The following ENPP4 variants were observed in gnomAD, a reference collection of about 807,000 sequenced individuals.
The protein encoded by ENPP4 is bis(5'-adenosyl)-triphosphatase ENPP4.
A neutral mutation model predicts 33.4 loss-of-function variants in ENPP4; 18 were observed. The ratio of observed to expected loss-of-function variants is 0.54; its 90% CI spans 0.37 to 0.80. ENPP4 has a LOEUF of 0.80. Ranked by LOEUF, ENPP4 falls within the 30% of genes least tolerant of loss-of-function variation. The pLI, the probability that ENPP4 is intolerant of heterozygous loss-of-function variation, is 0.00. For synonymous variants in ENPP4, 172 were observed against 189.9 expected (o/e 0.91, Z 0.78); for missense variants, 480 against 541.7 (o/e 0.89, Z 1.13).
intron 1 of ENPP4, among the ~76,000 whole-genome samples, chr6:46,131,975 C>T (rs2127491561): frequency 6.6e-6 from 1 of 152,030 alleles, no homozygotes; most frequent in South Asian, 2.1e-4. Flanking sequence ...AGTGTCTGTT[C>T]ATGTCCTTCG....
At chr6:46,131,236 G>C (rs1033198572) in intron 1 of ENPP4, among the ~76,000 whole-genome samples, 11 of 152,042 alleles carry the variant, frequency 7.2e-5, no homozygotes, top group Non-Finnish European at 1.6e-4. Context: ...GTATATATGT[G>C]CCATGCTGGT....
intron 1 of ENPP4, among the ~76,000 whole-genome samples, chr6:46,132,366 T>C (rs1427987947): frequency 6.6e-6 from 1 of 152,242 alleles, no homozygotes; most frequent in Non-Finnish European, 1.5e-5. Context: ...TTCAGCTTTC[T>C]ACATATGGCT....
In ENPP4 at chr6:46,146,280, T is replaced by C. The variant is rs1051626332; in HGVS notation, c.*2640T>C. On this transcript the variant is annotated 3_prime_UTR_variant, in exon 4 of 4. Transcript: ENST00000321037. ...TATAGGTTTTATATTATTATTCCAC[T>C]AGGAATGGCATAAGAATTTATAGAT... 6.6e-6 allele frequency: 1 copy of C among 152,312 alleles called. No individual in the cohort carries two copies. Among genetic ancestry groups the C allele is most frequent in the Non-Finnish European group, 1.5e-5 (1 of 67,830 alleles). The allele number at this position is 152,312 out of a possible 1,614,324, so 9.4% of individuals were successfully genotyped here.
intron 1 of ENPP4, among the ~76,000 whole-genome samples, chr6:46,138,026 C>T (rs1376706776): frequency 1.3e-5 from 2 of 151,808 alleles, no homozygotes; most frequent in African/African-American, 2.4e-5. Context: ...ACTTGCTGCT[C>T]TTCATACCTG....
At position 46,141,673 on chromosome 6, in the gene ENPP4, C is replaced by G. The variant is rs1483018384; in HGVS notation, c.997+451C>G. Among the ~76,000 whole-genome samples the G allele has an allele frequency of 4.6e-5, 7 of 151,518 alleles. No individual in the cohort carries two copies. In the Admixed American group the frequency reaches 4.6e-4, roughly 10 times the overall value. ...ACACTGGGCAAGAACCAGAAAGTAA[C>G]CAAACAAATCCACCAAGTGAACAAA... On this transcript the variant is annotated intron_variant, in intron 3 of 3. Coordinates refer to ENST00000321037, the MANE Select transcript of ENPP4 (RefSeq NM_014936.5).
rs148474871 is a variant in ENPP4 at position 46,143,544 on chromosome 6, A to G, written c.1266A>G (p.Thr422=). The G allele has an allele frequency of 5.6e-5, 91 of 1,612,624 alleles. No homozygotes were observed. The highest frequency in any genetic ancestry group is 7.3e-5 in the Non-Finnish European group (86 of 1,179,012). Residue 422 remains threonine (T), a synonymous_variant, in exon 4 of 4, where the codon ACA becomes ACG. Transcript: ENST00000321037. ...IGSLLVLTML[T]CLIIIMQNRL... Reference sequence around the variant, plus strand: ...CACTCTTGGTGTTAACCATGCTAACATGCCTCATAATAATCATGCAGAATA... The same window carrying G: ...CACTCTTGGTGTTAACCATGCTAACGTGCCTCATAATAATCATGCAGAATA...
intron 1 of ENPP4, among the ~76,000 whole-genome samples, chr6:46,134,267 A>C (rs1164141326): frequency 2.0e-5 from 3 of 152,098 alleles, no homozygotes; most frequent in African/African-American, 7.2e-5. Flanking sequence ...AGTTGGATCT[A>C]CCCAAGATCA....
At position 46,146,381 on chromosome 6, in the gene ENPP4, T is replaced by C. The variant is rs534183827; in HGVS notation, c.*2741T>C. 3 of 152,502 alleles carry C rather than the reference T, an allele frequency of 2.0e-5. No homozygotes were observed. The highest frequency in any genetic ancestry group is 4.1e-4 in the South Asian group (2 of 4,832). The allele number at this position is 152,502 out of a possible 1,614,324, so 9.4% of individuals were successfully genotyped here. ...GTCTCCTTCTTGTGCCCATATCTGA[T>C]AAGCTTTATGGATTATTGCATTTAA... is the stretch of plus-strand genomic sequence containing the variant. On this transcript the variant is annotated 3_prime_UTR_variant, in exon 4 of 4. Transcript: ENST00000321037.
intron 1 of ENPP4, among the ~76,000 whole-genome samples, chr6:46,136,801 A>G (rs572839518): frequency 1.3e-5 from 2 of 151,936 alleles, no homozygotes; most frequent in Non-Finnish European, 2.9e-5. Context: ...TGCTCTGGAC[A>G]AGAGGTATTG....
Position 46,138,037 on chromosome 6 carries a change from G to A in ENPP4, c.-33-1514G>A, listed in dbSNP as rs146839869. 1.8e-3 allele frequency among the ~76,000 whole-genome samples: 267 copies of A among 151,734 alleles called. 1 individual carries two copies. The highest frequency in any genetic ancestry group is 2.9e-3 in the Non-Finnish European group (196 of 67,776). On this transcript the variant is annotated intron_variant, in intron 1 of 3. Coordinates refer to ENST00000321037, the MANE Select transcript of ENPP4 (RefSeq NM_014936.5). ...GTTAACTTGCTGCTCTTCATACCTG[G>A]GACCTCAACATGCATACCCGTTACC...
chr6:46,140,994 A>T, intron 2 of ENPP4, 58 bp from the exon 3 acceptor site: 1 of 1,084,182 alleles, frequency 9.2e-7, no homozygotes, highest in Non-Finnish European at 1.3e-6. Context: ...CTAGTTAGAC[A>T]TATTTTTTCC....
chr6:46,141,760 A>G (rs1764064496), intron 3 of ENPP4, among the ~76,000 whole-genome samples: 1 of 151,760 alleles, frequency 6.6e-6, no homozygotes, highest in South Asian at 2.1e-4. Context: ...GGGGTGAGTT[A>G]CAGGCTTGCC....
intron 3 of ENPP4, among the ~76,000 whole-genome samples, chr6:46,142,372 GTATATTA>G (rs1562061039): frequency 3.5e-5 from 5 of 142,692 alleles, no homozygotes; most frequent in African/African-American, 1.0e-4. Flanking sequence ...TATATATAAT[GTATATTA>G]TATATTATAT....
Position 46,141,187 on chromosome 6 carries a change from G to A in ENPP4, c.962G>A (p.Gly321Asp), listed in dbSNP as rs1484545377. The change falls in exon 3 of 4, where the codon GGC becomes GAC. Residue 321 changes from glycine to aspartate, a missense_variant. Gly to Asp is a moderately conservative substitution (Grantham distance 94). Coordinates refer to ENST00000321037, the MANE Select transcript of ENPP4 (RefSeq NM_014936.5). ...IQPIILVADE[G>D]WTIVLNESSQ... ...CCCATTATTTTGGTTGCCGATGAAG[G>A]CTGGACAATTGTGCTAAATGAATCA... 6.2e-7 allele frequency: 1 copy of A among 1,609,150 alleles called. No individual in the cohort carries two copies. Among genetic ancestry groups the A allele is most frequent in the Non-Finnish European group, 8.5e-7 (1 of 1,176,902 alleles).
rs1181266795 is a variant in ENPP4, at chr6:46,143,956, G to A, written c.*316G>A. On this transcript the variant is annotated 3_prime_UTR_variant, in exon 4 of 4. Coordinates refer to ENST00000321037, the MANE Select transcript of ENPP4 (RefSeq NM_014936.5). ...AATACTTCCTCTGCTTGTATTTTGC[G>A]ATGAAGATGTGATACATCTTTAAAT... 2.6e-5 allele frequency: 5 copies of A among 192,756 alleles called. No homozygotes were observed. The highest frequency in any genetic ancestry group is 1.6e-4 in the South Asian group (1 of 6,412). 11.9% of individuals were successfully genotyped at this position (192,756 alleles called of 1,614,324 possible). A position where few individuals can be genotyped will look rare whatever the true frequency, so the allele number is the denominator to read the frequency against.
chr6:46,139,873 T>A lies in ENPP4; in HGVS notation c.290T>A (p.Val97Asp). ...GTGGCTAATTCCATGTATGATGCAGTCACAAAGAAACACTTTTCTGACTCT... is the reference window on the plus strand; with the variant it reads ...GTGGCTAATTCCATGTATGATGCAGACACAAAGAAACACTTTTCTGACTCT... ...GIVANSMYDAVTKKHFSDSND... is the reference protein window; with the variant it reads ...GIVANSMYDADTKKHFSDSND... Residue 97 changes from valine to aspartate, a missense_variant, in exon 2 of 4, where the codon GTC becomes GAC. This residue lies in a region of ENPP4 where 227 missense variants were observed against 273.7 expected (regional missense o/e 0.83). Coordinates refer to ENST00000321037, the MANE Select transcript of ENPP4 (RefSeq NM_014936.5). The A allele has an allele frequency of 6.2e-7, 1 of 1,612,808 alleles. No individual in the cohort carries two copies.
At chr6:46,137,249 A>C (rs1323562203) in intron 1 of ENPP4, among the ~76,000 whole-genome samples, 1 of 151,722 alleles carries the variant, frequency 6.6e-6, no homozygotes, top group Admixed American at 6.6e-5. Flanking sequence ...CAGAGCAGTA[A>C]ATAGTGTTTT....
chr6:46,141,583 G>A (rs986532407), intron 3 of ENPP4, among the ~76,000 whole-genome samples: 1 of 151,576 alleles, frequency 6.6e-6, no homozygotes, highest in East Asian at 1.9e-4. Context: ...AAAAAAATTT[G>A]TCTGAGTAAC....
chr6:46,139,589 G>T lies in ENPP4; in HGVS notation c.6G>T (p.Lys2Asn), dbSNP rs773374298. ...TGTCCTTCAACGTGTTCATTATGAA[G>T]TTATTAGTAATACTTTTGTTTTCTG... M[K>N]LLVILLFSGL... The change falls in exon 2 of 4, where the codon AAG (lysine) becomes AAT (asparagine). Residue 2 changes from lysine (K) to asparagine (N), a missense_variant. Coordinates refer to ENST00000321037, the MANE Select transcript of ENPP4 (RefSeq NM_014936.5). 2.7e-5 allele frequency: 41 copies of T among 1,525,602 alleles called. No homozygotes were observed. Among genetic ancestry groups the T allele is most frequent in the Non-Finnish European group, 3.5e-5 (39 of 1,101,632 alleles). 94.5% of individuals were successfully genotyped at this position (1,525,602 alleles called of 1,614,324 possible).
Sources: allele counts gnomAD v4.1 joint callset (sites outside exome capture counted in the v4.1 genomes callset), GRCh38; gene constraint gnomAD v4.1.1; regional missense constraint gnomAD v4.1.1; transcripts MANE v1.5; gene names NCBI Gene and HGNC (gene_info 2026-07-23, HGNC 2026-07-21).